Variants in RNASEL observed in about 807,000 individuals in gnomAD.
RNASEL encodes the protein ribonuclease L, also known as 2-5A-dependent ribonuclease.
A neutral mutation model predicts 50.9 loss-of-function variants in RNASEL; 36 were observed. The ratio of observed to expected loss-of-function variants is 0.71; its 90% CI spans 0.54 to 0.93. The LOEUF (loss-of-function observed/expected upper bound fraction) is 0.93. Ranked by LOEUF, RNASEL falls within the 40% of genes least tolerant of loss-of-function variation. RNASEL has a pLI of 0.00. For synonymous variants in RNASEL, 335 were observed against 335.6 expected, an observed-to-expected ratio of 1.00 and a Z score of 0.02; for missense variants, 860 against 894.5, an observed-to-expected ratio of 0.96 and a Z score of 0.49.
At position 182,587,894 on chromosome 1, in the gene RNASEL, T is replaced by G. The variant is rs540172011; in HGVS notation, c.-164-924A>C. Among the ~76,000 whole-genome samples, 6 of 152,026 alleles carry G rather than the reference T, an allele frequency of 3.9e-5. No homozygotes were observed. The East Asian group carries it at 7.7e-4, about 20-fold the overall frequency. ...TGCAGTGGTGGAAAAGCAATAAACA[T>G]TCAGTAGAAACCACACTTCAAGTAC... On this transcript the variant is annotated intron_variant, in intron 1 of 6. Coordinates refer to ENST00000367559, the MANE Select transcript of RNASEL (RefSeq NM_021133.4).
At chr1:182,588,260 A>G (rs990120808) in intron 1 of RNASEL, among the ~76,000 whole-genome samples, 3 of 152,208 alleles carry the variant, frequency 2.0e-5, no homozygotes, top group Non-Finnish European at 4.4e-5. Context: ...ATTTTTTACT[A>G]TTACTTCCTG....
chr1:182,582,229 T>C lies in RNASEL; in HGVS notation c.1596A>G (p.Val532=), dbSNP rs149283506. Residue 532 remains valine (V), a synonymous_variant, in exon 4 of 7, where the codon GTA becomes GTG. Transcript: ENST00000367559. ...CCTCAAATGAGATGCTTCCCTTCTT[T>C]ACCACATAGAGGACCAGCCGTCCAA... The part of the protein sequence containing the change: ...EDLGRLVLYV[V]KKGSISFEDL... 328 of 1,614,050 alleles carry C rather than the reference T, an allele frequency of 2.0e-4. 4 individuals carry two copies. Among genetic ancestry groups the C allele is most frequent in the Non-Finnish European group, 2.3e-5 (27 of 1,180,008 alleles).
At position 182,581,283 on chromosome 1, in the gene RNASEL, C is replaced by G. The variant is rs147610466; in HGVS notation, c.1847G>C (p.Arg616Thr). The G allele has an allele frequency of 4.5e-5, 73 of 1,614,166 alleles. No individual in the cohort carries two copies. The African/African-American group carries it at 9.3e-4, about 21-fold the overall frequency. Residue 616 changes from arginine to threonine, a missense_variant, in exon 5 of 7, where the codon AGA becomes ACA. Coordinates refer to ENST00000367559, the MANE Select transcript of RNASEL (RefSeq NM_021133.4). ...TTCAGAAGGCCCAGGTTGCAGTAGT[C>G]TGAGGATCTCACTTTCAGATTTTCG... Reference protein sequence around the residue: ...KTRKSESEILRLLQPGPSEHS... With the variant: ...KTRKSESEILTLLQPGPSEHS...
rs2102372564 is a variant in RNASEL at position 182,586,684 on chromosome 1, G to A, written c.123C>T (p.Val41=). 6.2e-7 allele frequency: 1 copy of A among 1,614,152 alleles called. No homozygotes were observed. Among genetic ancestry groups the A allele is most frequent in the East Asian group, 2.2e-5 (1 of 44,892 alleles). Residue 41 remains valine (V), a synonymous_variant, in exon 2 of 7, where the codon GTC becomes GTT. Coordinates refer to ENST00000367559, the MANE Select transcript of RNASEL (RefSeq NM_021133.4). ...KAVQNEDVDL[V]QQLLEGGANV... is the part of the protein sequence containing the mutation. ...TGGCTCCACCTTCCAGCAATTGCTG[G>A]ACCAGGTCAACATCTTCGTTTTGAA...
rs760352145 is a variant in RNASEL, at chr1:182,585,901, C to G, written c.906G>C (p.Gly302=). 6.2e-7 allele frequency: 1 copy of G among 1,612,828 alleles called. No individual in the cohort carries two copies. Among genetic ancestry groups the G allele is most frequent in the South Asian group, 1.1e-5 (1 of 91,066 alleles). ...TCCGCCTCGCTGTCATAACAAGATCCCCACAATCTGTACTGGCTCCACGTT... is the reference window on the plus strand; with the variant it reads ...TCCGCCTCGCTGTCATAACAAGATCGCCACAATCTGTACTGGCTCCACGTT... ...LCKRGASTDC[G]DLVMTARRNY... Residue 302 remains glycine (G), a synonymous_variant, in exon 2 of 7, where the codon GGG becomes GGC. Transcript: ENST00000367559.
intron 5 of RNASEL, among the ~76,000 whole-genome samples, chr1:182,577,865 G>A (rs1023318184): frequency 6.6e-6 from 1 of 152,116 alleles, no homozygotes; most frequent in African/African-American, 2.4e-5. Context: ...GACAAAGTCG[G>A]CAAAAACATA....
chr1:182,581,138 T>C (rs1661485438), intron 5 of RNASEL, 87 bp downstream of exon 5: 4 of 1,598,880 alleles, frequency 2.5e-6, no homozygotes, highest in Non-Finnish European at 3.4e-6. Flanking sequence ...TTGCCACTGG[T>C]GTAAAATAAG....
At chr1:182,576,440 C>G (rs768349018) in intron 5 of RNASEL, 51 bp from the exon 6 acceptor site, 4 of 1,426,812 alleles carry the variant, frequency 2.8e-6, no homozygotes, top group Admixed American at 3.7e-5. Flanking sequence ...CAAAATAAAT[C>G]CTGATGAAAT....
Position 182,586,766 on chromosome 1 carries a change from G to A in RNASEL, c.41C>T (p.Thr14Met), listed in dbSNP as rs766296817. ...RDHNNPQEGPTSSSGRRAAVE... is the reference protein window; with the variant it reads ...RDHNNPQEGPMSSSGRRAAVE... ...TGCAGCCCTTCTACCGCTGGAGGAC[G>A]TGGGTCCCTCCTGGGGGTTGTTATG... The change falls in exon 2 of 7, where the codon ACG (threonine) becomes ATG (methionine). Residue 14 changes from threonine (T) to methionine (M), a missense_variant. By Grantham distance (81) the Thr-to-Met change is moderately conservative (BLOSUM62 -1). Transcript: ENST00000367559. 14 of 1,614,254 alleles carry A rather than the reference G, an allele frequency of 8.7e-6. No homozygotes were observed. Among genetic ancestry groups the A allele is most frequent in the South Asian group, 7.7e-5 (7 of 91,090 alleles).
rs767281024 is a variant in RNASEL, at chr1:182,586,142, G to A, written c.665C>T (p.Thr222Met). The change falls in exon 2 of 7, where the codon ACG (threonine) becomes ATG (methionine). Residue 222 changes from threonine to methionine, a missense_variant. Coordinates refer to ENST00000367559, the MANE Select transcript of RNASEL (RefSeq NM_021133.4). ...SSDDSDVEAITHLLLDHGADV... is the reference protein window; with the variant it reads ...SSDDSDVEAIMHLLLDHGADV... ...AGCCCCATGGTCCAGCAGCAGATGC[G>A]TAATAGCCTCCACATCACTATCGTC... 1.2e-5 allele frequency: 20 copies of A among 1,614,042 alleles called. No individual in the cohort carries two copies. The Admixed American group carries it at 1.7e-4, about 13-fold the overall frequency.
At chr1:182,588,617 A>T (rs903968451) in intron 1 of RNASEL, among the ~76,000 whole-genome samples, 1 of 152,246 alleles carries the variant, frequency 6.6e-6, no homozygotes, top group Non-Finnish European at 1.5e-5. Context: ...TTCACGAAGC[A>T]ACCCTTTTTC....
chr1:182,580,725 C>A (rs1027692099), intron 5 of RNASEL, among the ~76,000 whole-genome samples: 8 of 152,186 alleles, frequency 5.3e-5, no homozygotes, highest in African/African-American at 1.9e-4. Flanking sequence ...TTAAAGAGAG[C>A]AATTTGAAAG....
chr1:182,575,400 C>G lies in RNASEL; in HGVS notation c.2218G>C (p.Gly740Arg). Residue 740 changes from glycine to arginine, a missense_variant, in exon 7 of 7, where the codon GGG (glycine) becomes CGG (arginine). Transcript: ENST00000367559. ...TCCAGCAAATCAGTCCATCAGCACC[C>G]AGGGCTGGCCAACCCACTGGCCCCA... Reference protein sequence around the residue: ...AGGASGLASPGC With the variant: ...AGGASGLASPRC 1 of 1,614,070 alleles carries G rather than the reference C, an allele frequency of 6.2e-7. No individual in the cohort carries two copies. Among genetic ancestry groups the G allele is most frequent in the African/African-American group, 1.3e-5 (1 of 75,018 alleles).
In RNASEL at chr1:182,579,441, C is replaced by A. The variant is rs556573935; in HGVS notation, c.1905+1784G>T. 19 of 996,154 alleles carry A rather than the reference C, an allele frequency of 1.9e-5. No individual in the cohort carries two copies. The South Asian group carries it at 7.4e-4, about 39-fold the overall frequency. 61.7% of individuals were successfully genotyped at this position (996,154 alleles called of 1,614,324 possible). A position where few individuals can be genotyped will look rare whatever the true frequency, so the allele number is the denominator to read the frequency against. On this transcript the variant is annotated intron_variant, in intron 5 of 6. Coordinates refer to ENST00000367559, the MANE Select transcript of RNASEL (RefSeq NM_021133.4). Reference sequence around the variant, plus strand: ...TTAGGAAGAGTAACTGATGAAAGAGCAATGCTAGTGAGGATGCTGCTGAGA... The same window carrying A: ...TTAGGAAGAGTAACTGATGAAAGAGAAATGCTAGTGAGGATGCTGCTGAGA...
intron 1 of RNASEL, among the ~76,000 whole-genome samples, chr1:182,588,774 A>C (rs1661646314): frequency 6.6e-6 from 1 of 152,176 alleles, no homozygotes; most frequent in South Asian, 2.1e-4. Flanking sequence ...CCCCATTACA[A>C]TCAGATGTGA....
intron 5 of RNASEL, chr1:182,578,027 A>G (rs954646917): frequency 6.6e-6 from 1 of 152,198 alleles, no homozygotes; most frequent in African/African-American, 2.4e-5. Context: ...GAAACTATAA[A>G]AATACTAAAA....
chr1:182,578,641 A>G (rs1661435041), intron 5 of RNASEL: 2 of 152,328 alleles, frequency 1.3e-5, no homozygotes, highest in East Asian at 3.9e-4. Context: ...TTTAGTAGAG[A>G]CAGGGTTTTG....
At position 182,575,344 on chromosome 1, in the gene RNASEL, G is replaced by T; in HGVS notation, c.*48C>A. 6.3e-7 allele frequency: 1 copy of T among 1,590,144 alleles called. No homozygotes were observed. The highest frequency in any genetic ancestry group is 1.1e-5 in the South Asian group (1 of 90,504). The stretch of plus-strand genomic sequence containing the variant: ...GCCCAGAATGTTGTGATTTGCCAAG[G>T]ACTCTACAGCTAATAAGTAGTTCCC... On this transcript the variant is annotated 3_prime_UTR_variant, in exon 7 of 7. Coordinates refer to ENST00000367559, the MANE Select transcript of RNASEL (RefSeq NM_021133.4).
intron 5 of RNASEL, chr1:182,579,993 C>A (rs775270447): frequency 3.1e-5 from 14 of 456,492 alleles, no homozygotes; most frequent in South Asian, 2.2e-4. Flanking sequence ...TTTGTCTGTG[C>A]CTCAGCTTGC....
Sources: gnomAD v4.1 joint callset for allele counts (sites outside exome capture counted in the v4.1 genomes callset) on GRCh38, gnomAD v4.1.1 for gene constraint, MANE v1.5 for transcripts, NCBI Gene and HGNC (gene_info 2026-07-23, HGNC 2026-07-21) for gene names.